The following PRKG1 variants were observed in gnomAD, a reference collection of about 807,000 sequenced individuals.
PRKG1 encodes the protein cGMP-dependent protein kinase 1.
Under a neutral mutation model 88.1 loss-of-function variants are expected in PRKG1, and 35 were observed. That is an observed-to-expected ratio of 0.40 (90% CI 0.30 to 0.53). The LOEUF is 0.53. Ranked by LOEUF, PRKG1 falls within the 20% of genes least tolerant of loss-of-function variation. The pLI is 0.59. For missense variants in PRKG1, 540 were observed against 839.8 expected, an observed-to-expected ratio of 0.64 and a Z score of 4.41; for synonymous variants, 303 against 292.5, an observed-to-expected ratio of 1.04 and a Z score of -0.37.
intron 2 of PRKG1, among the ~76,000 whole-genome samples, chr10:51,158,935 T>A (rs1336517417): frequency 1.3e-5 from 2 of 150,142 alleles, no homozygotes; most frequent in Non-Finnish European, 1.5e-5. Context: ...CTCAAAAGAC[T>A]AGACTCATTT....
At chr10:51,798,122 T>C (rs183153652) in intron 3 of PRKG1, among the ~76,000 whole-genome samples, 1 of 152,148 alleles carries the variant, frequency 6.6e-6, no homozygotes, top group East Asian at 1.9e-4. Flanking sequence ...CACACAAATA[T>C]CTGTTTGTGT....
intron 5 of PRKG1, among the ~76,000 whole-genome samples, chr10:51,987,016 T>A (rs572406668): frequency 6.6e-6 from 1 of 152,260 alleles, no homozygotes; most frequent in Non-Finnish European, 1.5e-5. Context: ...AACACTTAGG[T>A]CTAATATTTT....
chr10:51,551,280 A>G (rs1363850209), intron 3 of PRKG1, among the ~76,000 whole-genome samples: 2 of 151,868 alleles, frequency 1.3e-5, no homozygotes, highest in African/African-American at 4.8e-5. Flanking sequence ...TTGTTAAGGA[A>G]TTCAAAGTTT....
chr10:51,565,135 C>A (rs182967044), intron 3 of PRKG1, among the ~76,000 whole-genome samples: 2 of 152,012 alleles, frequency 1.3e-5, no homozygotes, highest in Admixed American at 1.3e-4. Flanking sequence ...AAAATAGATA[C>A]CAAATTCTTT....
rs553772344 is a variant in PRKG1 at position 52,085,258 on chromosome 10, C to A, written c.935+22627C>A. On this transcript the variant is annotated intron_variant, in intron 7 of 17. Transcript: ENST00000373980. ...GCTCTGCATCAAATTATTCTCCCTCCCTCCCTCCCTCCCACTTTGATTTAG... is the reference window on the plus strand; with the variant it reads ...GCTCTGCATCAAATTATTCTCCCTCACTCCCTCCCTCCCACTTTGATTTAG... Among the ~76,000 whole-genome samples the A allele has an allele frequency of 1.5e-3, 224 of 150,720 alleles. 2 individuals carry two copies. The highest frequency in any genetic ancestry group is 5.2e-3 in the African/African-American group (213 of 41,226).
intron 3 of PRKG1, among the ~76,000 whole-genome samples, chr10:51,773,520 G>A (rs1031793444): frequency 3.9e-5 from 6 of 151,924 alleles, no homozygotes; most frequent in African/African-American, 1.4e-4. Context: ...TCATGATGAT[G>A]AGCTCCATGA....
intron 1 of PRKG1, among the ~76,000 whole-genome samples, chr10:51,148,790 A>G (rs1350026590): frequency 6.6e-6 from 1 of 152,170 alleles, no homozygotes; most frequent in African/African-American, 2.4e-5. Flanking sequence ...TGCTTTCAGT[A>G]TTCATTAATT....
chr10:51,172,632 GTAT>G (rs1564626634), intron 2 of PRKG1, among the ~76,000 whole-genome samples: 74 of 60,038 alleles, frequency 1.2e-3, no homozygotes, highest in South Asian at 3.3e-3. Context: ...ATGTATGTAT[GTAT>G]GTATGTATGT....
chr10:51,706,700 G>A (rs1186973120), intron 3 of PRKG1, among the ~76,000 whole-genome samples: 2 of 152,130 alleles, frequency 1.3e-5, no homozygotes, highest in Non-Finnish European at 2.9e-5. Context: ...TAAGAGCACA[G>A]AGATTTTAAT....
At chr10:52,125,204 G>A (rs924792519) in intron 7 of PRKG1, among the ~76,000 whole-genome samples, 1 of 152,026 alleles carries the variant, frequency 6.6e-6, no homozygotes, top group Admixed American at 6.6e-5. Flanking sequence ...TTTGTTTAGG[G>A]CTATGATATT....
chr10:51,400,779 C>T (rs1237122311), intron 2 of PRKG1, among the ~76,000 whole-genome samples: 1 of 152,158 alleles, frequency 6.6e-6, no homozygotes, highest in Non-Finnish European at 1.5e-5. Flanking sequence ...GTCTTTTCAA[C>T]AGCGTGTATT....
chr10:52,168,171 G>A (rs191553308), intron 9 of PRKG1, among the ~76,000 whole-genome samples: 3 of 152,166 alleles, frequency 2.0e-5, no homozygotes, highest in South Asian at 2.1e-4. Context: ...GGAGCTTATG[G>A]TCCAGTGGGG....
At chr10:51,641,246 C>G (rs117952506) in intron 3 of PRKG1, among the ~76,000 whole-genome samples, 116 of 152,188 alleles carry the variant, frequency 7.6e-4, no homozygotes, top group Middle Eastern at 6.8e-3. Flanking sequence ...GTGCCGCTCT[C>G]AAGAGTTCAT....
At chr10:51,354,081 G>C (rs181835397) in intron 2 of PRKG1, among the ~76,000 whole-genome samples, 11 of 152,172 alleles carry the variant, frequency 7.2e-5, no homozygotes, top group Admixed American at 5.9e-4. Flanking sequence ...CTTATTTGTT[G>C]CTTCTAAATA....
chr10:51,688,004 A>G (rs918954224), intron 3 of PRKG1, among the ~76,000 whole-genome samples: 16 of 152,142 alleles, frequency 1.1e-4, no homozygotes, highest in Admixed American at 3.9e-4. Context: ...TTTTCCTCAG[A>G]TTGGGTAAGG....
At chr10:51,655,296 C>T (rs1489869574) in intron 3 of PRKG1, among the ~76,000 whole-genome samples, 1 of 152,094 alleles carries the variant, frequency 6.6e-6, no homozygotes, top group East Asian at 1.9e-4. Flanking sequence ...ACTGGTTATA[C>T]ATAAGATTCT....
At chr10:52,129,510 G>A (rs554672417) in intron 7 of PRKG1, among the ~76,000 whole-genome samples, 1 of 152,194 alleles carries the variant, frequency 6.6e-6, no homozygotes, top group South Asian at 2.1e-4. Context: ...ATAGTATTTT[G>A]TCTCTATCTC....
intron 7 of PRKG1, among the ~76,000 whole-genome samples, chr10:52,106,310 G>A (rs1207539122): frequency 6.6e-6 from 1 of 152,092 alleles, no homozygotes; most frequent in Non-Finnish European, 1.5e-5. Flanking sequence ...ATAGAACATA[G>A]GACATCCAGT....
chr10:51,834,172 T>A (rs545035596), intron 4 of PRKG1, among the ~76,000 whole-genome samples: 27 of 152,258 alleles, frequency 1.8e-4, no homozygotes, highest in African/African-American at 6.5e-4. Context: ...CCCAAATGTG[T>A]TTCAATCTCC....
Sources: gnomAD v4.1 joint callset for allele counts (sites outside exome capture counted in the v4.1 genomes callset) on GRCh38, gnomAD v4.1.1 for gene constraint, MANE v1.5 for transcripts, NCBI Gene and HGNC (gene_info 2026-07-23, HGNC 2026-07-21) for gene names.